The following ASAH2 variants were observed in gnomAD, a reference collection of about 807,000 sequenced individuals.
ASAH2 encodes the protein neutral ceramidase.
Under a neutral mutation model 82.9 loss-of-function variants are expected in ASAH2, and 58 were observed. That is an observed-to-expected ratio of 0.70 (90% CI 0.57 to 0.87). ASAH2 has a LOEUF of 0.87. Among genes scored for constraint, ASAH2 ranks in the 40% least tolerant of loss-of-function variants. The probability of loss-of-function intolerance (pLI) is 0.00; values close to 1 mark genes in which losing one functional copy is unlikely to be tolerated. For synonymous variants in ASAH2, 276 were observed against 289.7 expected, an observed-to-expected ratio of 0.95 and a Z score of 0.48; for missense variants, 779 against 834.0, an observed-to-expected ratio of 0.93 and a Z score of 0.81.
At chr10:50,206,176 A>C in intron 12 of ASAH2, 79 bp from the exon 13 acceptor site, 1 of 1,024,100 alleles carries the variant, frequency 9.8e-7, no homozygotes, top group Non-Finnish European at 1.6e-6. Flanking sequence ...AATATTGTAC[A>C]ATAATCTTTT....
intron 7 of ASAH2, among the ~76,000 whole-genome samples, chr10:50,226,704 T>C (rs1380762272): frequency 1.3e-5 from 2 of 151,978 alleles, no homozygotes; most frequent in Non-Finnish European, 2.9e-5. Context: ...AAACTGCTTT[T>C]AAAAATATAG....
intron 2 of ASAH2, among the ~76,000 whole-genome samples, chr10:50,245,880 T>C (rs1374022642): frequency 1.3e-5 from 2 of 152,146 alleles, no homozygotes; most frequent in Non-Finnish European, 2.9e-5. Flanking sequence ...GCTTCAGAGT[T>C]AGTCCATTTC....
At chr10:50,197,779 CA>C (rs536795612) in intron 17 of ASAH2, among the ~76,000 whole-genome samples, 2,970 of 151,768 alleles carry the variant, frequency 0.02, 82 homozygotes, top group African/African-American at 0.068. Context: ...ATTGTCACTA[CA>C]AAATTTGAAG....
chr10:50,199,806 T>C (rs1845092921), intron 16 of ASAH2, among the ~76,000 whole-genome samples: 1 of 151,550 alleles, frequency 6.6e-6, no homozygotes, highest in South Asian at 2.1e-4. Flanking sequence ...AGTCTCCACA[T>C]CCGGTAATTC....
At chr10:50,201,084 G>A (rs970990828) in intron 16 of ASAH2, among the ~76,000 whole-genome samples, 4 of 152,030 alleles carry the variant, frequency 2.6e-5, no homozygotes, top group Non-Finnish European at 5.9e-5. Context: ...AACTCTGAGA[G>A]GAGTTCGGCT....
rs561684900 is a variant in ASAH2, at chr10:50,248,119, C to T, written c.127+365G>A. Among the ~76,000 whole-genome samples the T allele has an allele frequency of 3.9e-5, 6 of 152,332 alleles. No individual in the cohort carries two copies. In the South Asian group the frequency reaches 1.2e-3, roughly 32 times the overall value. On this transcript the variant is annotated intron_variant, in intron 2 of 20. Transcript: ENST00000682911. The stretch of plus-strand genomic sequence containing the variant: ...TTCATTCAGTGAGTCTTTCATTCTC[C>T]TTTTGCCCCCAGGAGAAAATGATGT...
chr10:50,240,622 A>C, intron 4 of ASAH2: 1 of 701,956 alleles, frequency 1.4e-6, no homozygotes, highest in Non-Finnish European at 2.6e-6. Context: ...TTCCAGATAC[A>C]TCTCCAACTA....
At chr10:50,249,294 T>C (rs1175585492) in intron 1 of ASAH2, among the ~76,000 whole-genome samples, 2 of 152,192 alleles carry the variant, frequency 1.3e-5, no homozygotes, top group African/African-American at 4.8e-5. Context: ...CCAAACACTT[T>C]GCAAACCCTG....
intron 20 of ASAH2, among the ~76,000 whole-genome samples, chr10:50,189,184 T>C (rs1318667327): frequency 6.8e-6 from 1 of 145,994 alleles, no homozygotes. Context: ...TTTCAACCAA[T>C]TTGCAAGGAA....
chr10:50,231,432 A>G (rs903466800), intron 7 of ASAH2, among the ~76,000 whole-genome samples: 1 of 152,018 alleles, frequency 6.6e-6, no homozygotes, highest in East Asian at 1.9e-4. Flanking sequence ...ACTCAGGGCT[A>G]CCTCCTCCAA....
rs895083309 is a variant in ASAH2, at chr10:50,207,270, T to A, written c.1415-1173A>T. On this transcript the variant is annotated intron_variant, in intron 12 of 20. Transcript: ENST00000682911. ...TAACCTAACTTCCACTTGAAGATAT[T>A]GGAAAAGGAAAGCAAACTAAATCAA... 2.4e-3 allele frequency among the ~76,000 whole-genome samples: 366 copies of A among 151,848 alleles called. 2 individuals carry two copies. The highest frequency in any genetic ancestry group is 8.6e-3 in the African/African-American group (359 of 41,514).
At chr10:50,209,678 T>C (rs1225318117) in intron 12 of ASAH2, among the ~76,000 whole-genome samples, 1 of 152,102 alleles carries the variant, frequency 6.6e-6, no homozygotes, top group Non-Finnish European at 1.5e-5. Context: ...AAAGAACATT[T>C]ATACTCAATA....
At chr10:50,189,250 ATGTC>A in intron 20 of ASAH2, among the ~76,000 whole-genome samples, 2 of 144,206 alleles carry the variant, frequency 1.4e-5, no homozygotes, top group Non-Finnish European at 3.0e-5. Context: ...AACAGAACAG[ATGTC>A]TGTAAGAATG....
At chr10:50,204,577 G>A (rs1027088204) in intron 14 of ASAH2, among the ~76,000 whole-genome samples, 3 of 151,854 alleles carry the variant, frequency 2.0e-5, no homozygotes, top group East Asian at 1.9e-4. Flanking sequence ...TAATATGACT[G>A]CAAATCTTTC....
chr10:50,235,879 T>C lies in ASAH2; in HGVS notation c.687+9A>G. The C allele has an allele frequency of 3.1e-6, 5 of 1,613,024 alleles. No individual in the cohort carries two copies. The highest frequency in any genetic ancestry group is 4.2e-6 in the Non-Finnish European group (5 of 1,179,166). ...TAAAGAACAGCTGCCTCTGGGGCTCTTTGCCTACCTTCAAGATACCAGTGA... is the reference window on the plus strand; with the variant it reads ...TAAAGAACAGCTGCCTCTGGGGCTCCTTGCCTACCTTCAAGATACCAGTGA... On this transcript the variant is annotated intron_variant, in intron 5 of 20. Transcript: ENST00000682911.
intron 20 of ASAH2, among the ~76,000 whole-genome samples, chr10:50,187,913 G>A (rs1164081871): frequency 9.9e-5 from 2 of 20,196 alleles, no homozygotes; most frequent in African/African-American, 1.2e-4. Flanking sequence ...ATATATATAT[G>A]TATATATATA....
At chr10:50,211,549 T>C (rs1319145221) in intron 10 of ASAH2, among the ~76,000 whole-genome samples, 1 of 152,126 alleles carries the variant, frequency 6.6e-6, no homozygotes, top group Non-Finnish European at 1.5e-5. Context: ...CTGCAGCAGG[T>C]TGGGGACAAA....
At chr10:50,201,865 T>A (rs979099191) in intron 16 of ASAH2, among the ~76,000 whole-genome samples, 1,560 of 152,244 alleles carry the variant, frequency 0.01, 21 homozygotes, top group African/African-American at 0.035. Context: ...CTATTGTGAT[T>A]ATAAAATAGC....
chr10:50,200,260 TC>T (rs1845104529), intron 16 of ASAH2, among the ~76,000 whole-genome samples: 1 of 150,822 alleles, frequency 6.6e-6, no homozygotes, highest in Non-Finnish European at 1.5e-5. Flanking sequence ...CTACTGCAGT[TC>T]CCCCAAAGCC....
Sources: allele counts gnomAD v4.1 joint callset (sites outside exome capture counted in the v4.1 genomes callset), GRCh38; gene constraint gnomAD v4.1.1; transcripts MANE v1.5; gene names NCBI Gene and HGNC (gene_info 2026-07-23, HGNC 2026-07-21).